Variants in PARD3B observed in about 807,000 individuals in gnomAD.
PARD3B encodes the protein par-3 family cell polarity regulator beta.
A neutral mutation model predicts 130.2 loss-of-function variants in PARD3B; 103 were observed. That is an observed-to-expected ratio of 0.79 (90% CI 0.67 to 0.93). The LOEUF (loss-of-function observed/expected upper bound fraction) is 0.93. PARD3B is among the 40% of genes least tolerant of loss of function. The pLI is 0.00. For missense variants in PARD3B, 1,609 were observed against 1,499.2 expected (o/e 1.07, Z -1.21); for synonymous variants, 583 against 553.2 (o/e 1.05, Z -0.76).
intron 2 of PARD3B, among the ~76,000 whole-genome samples, chr2:204,867,764 TTC>T (rs1237317167): frequency 2.0e-5 from 3 of 152,198 alleles, no homozygotes; most frequent in African/African-American, 7.2e-5. Flanking sequence ...TAGCAGACAT[TTC>T]TCTGTTTTGA....
intron 18 of PARD3B, among the ~76,000 whole-genome samples, chr2:205,373,852 A>G (rs1195167675): frequency 8.5e-5 from 13 of 152,234 alleles, no homozygotes; most frequent in Non-Finnish European, 1.8e-4. Flanking sequence ...TTATGTAATG[A>G]GATTATCATT....
chr2:205,178,793 T>C (rs2125769058), intron 13 of PARD3B, among the ~76,000 whole-genome samples: 1 of 152,366 alleles, frequency 6.6e-6, no homozygotes, highest in Admixed American at 6.5e-5. Flanking sequence ...GACATTTTGG[T>C]CAACAACAGA....
intron 19 of PARD3B, among the ~76,000 whole-genome samples, chr2:205,435,202 T>C (rs1277686625): frequency 6.6e-6 from 1 of 152,182 alleles, no homozygotes; most frequent in African/African-American, 2.4e-5. Flanking sequence ...ACATTTTCTA[T>C]GTATATGTGA....
rs1559202228 is a variant in PARD3B at position 204,855,555 on chromosome 2, ATAT to A, written c.223-109596_223-109594del. On this transcript the variant is annotated intron_variant, in intron 2 of 22. Coordinates refer to ENST00000406610, the MANE Select transcript of PARD3B (RefSeq NM_001302769.2). ...GACTCCCTCTAAAAGAAAAAAAAAT[ATAT>A]ATATATATATATATAAGGAATTTAA... 2.6e-3 allele frequency among the ~76,000 whole-genome samples: 303 copies of A among 118,612 alleles called. 4 individuals carry two copies. The highest frequency in any genetic ancestry group is 0.012 in the African/African-American group (257 of 21,604). 77.8% of individuals were successfully genotyped at this position (118,612 alleles called of 152,430 possible). A position where few individuals can be genotyped will look rare whatever the true frequency, so the allele number is the denominator to read the frequency against.
intron 22 of PARD3B, among the ~76,000 whole-genome samples, chr2:205,594,563 G>C (rs1575444669): frequency 6.6e-6 from 1 of 152,324 alleles, no homozygotes; most frequent in African/African-American, 2.4e-5. Flanking sequence ...GGTGGGAGCA[G>C]AGCCTAAAGA....
chr2:204,559,850 A>G (rs1175345289), intron 1 of PARD3B, among the ~76,000 whole-genome samples: 1 of 152,230 alleles, frequency 6.6e-6, no homozygotes, highest in African/African-American at 2.4e-5. Flanking sequence ...ATGGAATACT[A>G]TGCAGCTGTA....
At chr2:205,439,160 A>G (rs759579742) in intron 19 of PARD3B, among the ~76,000 whole-genome samples, 3 of 152,132 alleles carry the variant, frequency 2.0e-5, no homozygotes, top group Non-Finnish European at 4.4e-5. Context: ...TTTTGTTCGA[A>G]TAGGGGAAGA....
At chr2:205,117,019 A>T (rs2029884878) in intron 6 of PARD3B, among the ~76,000 whole-genome samples, 1 of 152,202 alleles carries the variant, frequency 6.6e-6, no homozygotes, top group African/African-American at 2.4e-5. Context: ...GATGTACTGA[A>T]TTAAATTAAA....
At chr2:205,188,879 G>T (rs754620390) in intron 14 of PARD3B, among the ~76,000 whole-genome samples, 2 of 151,776 alleles carry the variant, frequency 1.3e-5, no homozygotes, top group Non-Finnish European at 1.5e-5. Context: ...CTGCTATGGC[G>T]TGAGGAAAGA....
chr2:205,379,771 T>G (rs1162885642), intron 18 of PARD3B, among the ~76,000 whole-genome samples: 2 of 151,810 alleles, frequency 1.3e-5, no homozygotes, highest in Non-Finnish European at 2.9e-5. Context: ...TACTTGTTCT[T>G]AAAAATATAT....
intron 16 of PARD3B, among the ~76,000 whole-genome samples, chr2:205,257,039 T>A (rs2040117745): frequency 6.6e-6 from 1 of 152,122 alleles, no homozygotes; most frequent in African/African-American, 2.4e-5. Flanking sequence ...ACCCATGCAA[T>A]GCCATGTACA....
chr2:205,530,856 C>G lies in PARD3B; in HGVS notation c.3181-22468C>G, dbSNP rs2051561304. Among the ~76,000 whole-genome samples the G allele has an allele frequency of 6.6e-6, 1 of 152,136 alleles. No individual in the cohort carries two copies. Among genetic ancestry groups the G allele is most frequent in the African/African-American group, 2.4e-5 (1 of 41,432 alleles). ...CGATGACTCTAGAGGCATGACCCAC[C>G]TGGATAAGAATTGTTGTAAAGGAAT... is the stretch of plus-strand genomic sequence containing the variant. On this transcript the variant is annotated intron_variant, in intron 21 of 22. Coordinates refer to ENST00000406610, the MANE Select transcript of PARD3B (RefSeq NM_001302769.2). This position sits in a 1 kb window ranked among gnomAD's most constrained non-coding sequence, Gnocchi z 4.7.
intron 1 of PARD3B, among the ~76,000 whole-genome samples, chr2:204,603,008 A>C (rs1157872056): frequency 6.6e-6 from 1 of 152,092 alleles, no homozygotes; most frequent in African/African-American, 2.4e-5. Flanking sequence ...TGTTACTTTT[A>C]GAAAAACAAT....
In PARD3B at chr2:205,121,192, C is replaced by A. The variant is rs2030669718; in HGVS notation, c.807-399C>A. 6.6e-6 allele frequency among the ~76,000 whole-genome samples: 1 copy of A among 152,198 alleles called. No homozygotes were observed. The highest frequency in any genetic ancestry group is 6.5e-5 in the Admixed American group (1 of 15,278). On this transcript the variant is annotated intron_variant, in intron 7 of 22. Coordinates refer to ENST00000406610, the MANE Select transcript of PARD3B (RefSeq NM_001302769.2). The surrounding 1 kb of genome is among the most constrained non-coding windows in gnomAD (Gnocchi z 5.0). ...TAACTAATGATCTGATCCAAAATAT[C>A]TATTTTGCTTTTTATATTCACTTTG...
rs796567936 is a variant in PARD3B at position 205,550,955 on chromosome 2, G to GTGTATATATA, written c.3181-2368_3181-2367insGTATATATAT. Among the ~76,000 whole-genome samples the GTGTATATATA allele has an allele frequency of 2.1e-5, 2 of 94,462 alleles. No homozygotes were observed. Among genetic ancestry groups the GTGTATATATA allele is most frequent in the African/African-American group, 7.6e-5 (2 of 26,366 alleles). The allele number at this position is 94,462 out of a possible 152,430, so 62.0% of individuals were successfully genotyped here. ...TGTGTGTGTGTGTATATATATATGT[G>GTGTATATATA]TATATATATATATATATATATACAC... is the stretch of plus-strand genomic sequence containing the variant. On this transcript the variant is annotated intron_variant, in intron 21 of 22. Coordinates refer to ENST00000406610, the MANE Select transcript of PARD3B (RefSeq NM_001302769.2). This position sits in a 1 kb window ranked among gnomAD's most constrained non-coding sequence, Gnocchi z 4.5.
Position 205,405,190 on chromosome 2 carries a change from G to T in PARD3B, c.2741+4067G>T, listed in dbSNP as rs1445896909. Among the ~76,000 whole-genome samples, 1 of 152,176 alleles carries T rather than the reference G, an allele frequency of 6.6e-6. No individual in the cohort carries two copies. Among genetic ancestry groups the T allele is most frequent in the Admixed American group, 6.6e-5 (1 of 15,262 alleles). On this transcript the variant is annotated intron_variant, in intron 19 of 22. Coordinates refer to ENST00000406610, the MANE Select transcript of PARD3B (RefSeq NM_001302769.2). This position sits in a 1 kb window ranked among gnomAD's most constrained non-coding sequence, Gnocchi z 4.1. ...GAGGAATGCAGAGTCTAGAACAGTG[G>T]TTCTCAATGGGAGGGGGCAGTTTTA... is the stretch of plus-strand genomic sequence containing the variant.
At chr2:204,744,912 A>C (rs1391274470) in intron 2 of PARD3B, among the ~76,000 whole-genome samples, 1 of 152,134 alleles carries the variant, frequency 6.6e-6, no homozygotes, top group Admixed American at 6.6e-5. Context: ...TGATTAATTG[A>C]GTGGGGCTGT....
At chr2:204,761,610 AT>A (rs1423394247) in intron 2 of PARD3B, among the ~76,000 whole-genome samples, 2 of 148,646 alleles carry the variant, frequency 1.3e-5, no homozygotes, top group Non-Finnish European at 3.0e-5. Context: ...AAAAAAAAAA[AT>A]AGATTTTTCA....
At chr2:204,883,376 TTTTTA>T (rs1385650488) in intron 2 of PARD3B, among the ~76,000 whole-genome samples, 2 of 136,746 alleles carry the variant, frequency 1.5e-5, no homozygotes, top group Non-Finnish European at 3.2e-5. Flanking sequence ...ATATTTTCTT[TTTTTA>T]TTTTATGTGT....
Sources: gnomAD v4.1 joint callset for allele counts (sites outside exome capture counted in the v4.1 genomes callset) on GRCh38, gnomAD v4.1.1 for gene constraint, Gnocchi (gnomAD v3.1) non-coding constraint, MANE v1.5 for transcripts, NCBI Gene and HGNC (gene_info 2026-07-23, HGNC 2026-07-21) for gene names.